Variants in ATP2A2 observed in about 807,000 individuals in gnomAD.
ATP2A2 encodes the protein ATPase sarcoplasmic/endoplasmic reticulum Ca2+ transporting 2, also known as sarcoplasmic/endoplasmic reticulum calcium ATPase 2.
In ATP2A2, 14 loss-of-function variants were observed where a neutral mutation model predicts 109.3. That is an observed-to-expected ratio of 0.13 (90% confidence interval 0.08 to 0.20). ATP2A2 has a LOEUF of 0.20. ATP2A2 is among the 10% of genes least tolerant of loss of function. ATP2A2 has a pLI of 1.00. For missense variants in ATP2A2, 657 were observed against 1,321.6 expected (o/e 0.50, Z 7.80); for synonymous variants, 506 against 490.9 (o/e 1.03, Z -0.41).
At chr12:110,285,245 CA>C in intron 3 of ATP2A2, among the ~76,000 whole-genome samples, 1 of 152,156 alleles carries the variant, frequency 6.6e-6, no homozygotes, top group South Asian at 2.1e-4. Flanking sequence ...TAATATTGGC[CA>C]AAGTGTTTTT....
chr12:110,314,014 C>T lies in ATP2A2; in HGVS notation c.464-8978C>T, dbSNP rs12372132. Among the ~76,000 whole-genome samples, 399 of 151,586 alleles carry T rather than the reference C, an allele frequency of 2.6e-3. 1 individual carries two copies. Among genetic ancestry groups the T allele is most frequent in the Non-Finnish European group, 4.4e-3 (297 of 67,854 alleles). On this transcript the variant is annotated intron_variant, in intron 5 of 19. Transcript: ENST00000539276. Reference sequence around the variant, plus strand: ...ACAGGCATGAGCCACTGTGCCCGGCCGATAATGGAACTTTTGAAAACCAAG... The same window carrying T: ...ACAGGCATGAGCCACTGTGCCCGGCTGATAATGGAACTTTTGAAAACCAAG...
intron 9 of ATP2A2, 125 bp from the exon 10 acceptor site, chr12:110,333,054 AAT>A (rs1180537659): frequency 1.2e-6 from 1 of 862,968 alleles, no homozygotes; most frequent in Non-Finnish European, 1.9e-6. Context: ...AATTGTTTGG[AAT>A]TTTTTCCAGT....
chr12:110,310,336 G>A (rs1432013072), intron 5 of ATP2A2, among the ~76,000 whole-genome samples: 1 of 151,834 alleles, frequency 6.6e-6, no homozygotes, highest in Non-Finnish European at 1.5e-5. Flanking sequence ...GTATTACCCA[G>A]CCTAGTCTCA....
intron 6 of ATP2A2, among the ~76,000 whole-genome samples, chr12:110,325,436 C>T (rs995648923): frequency 4.6e-5 from 7 of 151,830 alleles, no homozygotes; most frequent in Non-Finnish European, 8.8e-5. Flanking sequence ...GAGTTTGAGA[C>T]CAGCCTTGGC....
rs1334372463 is a variant in ATP2A2, at chr12:110,327,838, G to A, written c.916G>A (p.Ala306Thr). 6.2e-7 allele frequency: 1 copy of A among 1,614,188 alleles called. No homozygotes were observed. The highest frequency in any genetic ancestry group is 1.1e-5 in the South Asian group (1 of 91,086). The change falls in exon 8 of 20, where the codon GCC becomes ACC. Residue 306 changes from alanine (A) to threonine (T), a missense_variant. This residue lies in a region of ATP2A2 where 136 missense variants were observed against 343.9 expected (regional missense o/e 0.40). Coordinates refer to ENST00000539276, the MANE Select transcript of ATP2A2 (RefSeq NM_170665.4). The surrounding 1 kb of genome is among the most constrained non-coding windows in gnomAD (Gnocchi z 4.4). ...FKIAVALAVA[A>T]IPEGLPAVIT... is the part of the protein sequence containing the mutation. ...AATTGCAGTGGCCCTGGCTGTAGCA[G>A]CCATTCCTGAAGGTCTGCCTGCAGT...
At chr12:110,281,124 G>A (rs896399905), upstream of ATP2A2, 1 of 149,784 alleles carries the variant, frequency 6.7e-6, no homozygotes, top group Non-Finnish European at 1.5e-5. Context: ...GCGCGCGGGA[G>A]GAGGGAGCCG....
chr12:110,333,905 GTTGTAATAGAGGACAGA>G lies in ATP2A2; in HGVS notation c.1288-102_1288-86del, dbSNP rs1878581086. 6 of 1,492,934 alleles carry G rather than the reference GTTGTAATAGAGGACAGA, an allele frequency of 4.0e-6. No individual in the cohort carries two copies. The South Asian group carries it at 6.9e-5, about 17-fold the overall frequency. The allele number at this position is 1,492,934 out of a possible 1,614,324, so 92.5% of individuals were successfully genotyped here. On this transcript the variant is annotated intron_variant, in intron 10 of 19. Transcript: ENST00000539276. Reference sequence around the variant, plus strand: ...AGGAGGATAAAAATGGCCTTACAGTGTTGTAATAGAGGACAGATTGTGCTTTTGTGGAAAAAAAATAT... The same window carrying G: ...AGGAGGATAAAAATGGCCTTACAGTGTTGTGCTTTTGTGGAAAAAAAATAT...
chr12:110,317,433 T>C (rs1367068026), intron 5 of ATP2A2, among the ~76,000 whole-genome samples: 18 of 152,020 alleles, frequency 1.2e-4, no homozygotes, highest in Admixed American at 1.1e-3. Context: ...TTTTTTGAGA[T>C]GGAGTCTCAC....
At chr12:110,311,248 G>A (rs1002291899) in intron 5 of ATP2A2, among the ~76,000 whole-genome samples, 3 of 152,148 alleles carry the variant, frequency 2.0e-5, no homozygotes, top group South Asian at 2.1e-4. Flanking sequence ...TGGTTGGTTC[G>A]TTTGTTTATA....
intron 4 of ATP2A2, chr12:110,296,069 T>G (rs1873929072): frequency 6.1e-6 from 1 of 164,694 alleles, no homozygotes; most frequent in Non-Finnish European, 1.3e-5. Flanking sequence ...GTATTGAACC[T>G]GGGCAGCTTA....
chr12:110,328,309 G>A (rs1022515362), intron 8 of ATP2A2, among the ~76,000 whole-genome samples: 5 of 150,458 alleles, frequency 3.3e-5, no homozygotes, highest in African/African-American at 1.2e-4. Flanking sequence ...AGTGGCTCAC[G>A]CCTGTAATCC....
chr12:110,290,311 A>C (rs1873127827), intron 3 of ATP2A2, among the ~76,000 whole-genome samples: 1 of 152,202 alleles, frequency 6.6e-6, no homozygotes, highest in Non-Finnish European at 1.5e-5. Context: ...CCGGGATTAT[A>C]GGCATGAGCC....
At chr12:110,344,359 A>T (rs751219910) in intron 16 of ATP2A2, among the ~76,000 whole-genome samples, 2 of 152,190 alleles carry the variant, frequency 1.3e-5, no homozygotes, top group Admixed American at 6.5e-5. Context: ...ACTGGGGGGA[A>T]TCCCAGAAGC....
At position 110,348,750 on chromosome 12, in the gene ATP2A2, G is replaced by C. The variant is rs117376088; in HGVS notation, c.*2280G>C. On this transcript the variant is annotated 3_prime_UTR_variant, in exon 20 of 20. Coordinates refer to ENST00000539276, the MANE Select transcript of ATP2A2 (RefSeq NM_170665.4). ...AAGCCTCCAAGGCTGCTCGCAGGCA[G>C]CTGTGGCTCTCGGGAAGGGAGGCTG... The C allele has an allele frequency of 3.0e-6, 3 of 985,392 alleles. No homozygotes were observed. The highest frequency in any genetic ancestry group is 2.4e-6 in the Non-Finnish European group (2 of 830,002). The allele number at this position is 985,392 out of a possible 1,614,324, so 61.0% of individuals were successfully genotyped here.
chr12:110,299,166 C>T (rs1396505920), intron 5 of ATP2A2, among the ~76,000 whole-genome samples: 1 of 152,060 alleles, frequency 6.6e-6, no homozygotes, highest in African/African-American at 2.4e-5. Context: ...AGAGATGGGT[C>T]TTGCCCTGTT....
chr12:110,315,801 C>T (rs950832239), intron 5 of ATP2A2, among the ~76,000 whole-genome samples: 7 of 152,170 alleles, frequency 4.6e-5, no homozygotes, highest in African/African-American at 1.7e-4. Context: ...CTTAGCCGGC[C>T]GCATCGGCAC....
chr12:110,299,271 C>T (rs1340460025), intron 5 of ATP2A2, among the ~76,000 whole-genome samples: 1 of 151,886 alleles, frequency 6.6e-6, no homozygotes, highest in African/African-American at 2.4e-5. Flanking sequence ...TGCGCCTGGC[C>T]CACATTTTTT....
At position 110,281,781 on chromosome 12, in the gene ATP2A2, C is replaced by T. The variant is rs1592782128; in HGVS notation, c.-9C>T. The T allele has an allele frequency of 6.7e-7, 1 of 1,495,380 alleles. No individual in the cohort carries two copies. The allele number at this position is 1,495,380 out of a possible 1,614,324, so 92.6% of individuals were successfully genotyped here. A position where few individuals can be genotyped will look rare whatever the true frequency, so the allele number is the denominator to read the frequency against. On this transcript the variant is annotated 5_prime_UTR_variant, in exon 1 of 20. Coordinates refer to ENST00000539276, the MANE Select transcript of ATP2A2 (RefSeq NM_170665.4). ...GACGGGAGGCGAGGCCGGCCGGGCCCCCGAAGCCATGGAGAACGCGCACAC... is the reference window on the plus strand; with the variant it reads ...GACGGGAGGCGAGGCCGGCCGGGCCTCCGAAGCCATGGAGAACGCGCACAC...
rs559006262 is a variant in ATP2A2, at chr12:110,295,412, C to T, written c.325-1187C>T. On this transcript the variant is annotated intron_variant, in intron 4 of 19. Coordinates refer to ENST00000539276, the MANE Select transcript of ATP2A2 (RefSeq NM_170665.4). ...CTCTTGGGCTCAAGCAGTCCTCTTA[C>T]CTCAGCCTCCCAAAAGTGCTGGGAT... 2.6e-5 allele frequency among the ~76,000 whole-genome samples: 4 copies of T among 152,230 alleles called. 1 individual carries two copies. The South Asian group carries it at 8.3e-4, about 32-fold the overall frequency.
Sources: allele counts gnomAD v4.1 joint callset (sites outside exome capture counted in the v4.1 genomes callset), GRCh38; gene constraint gnomAD v4.1.1; regional missense constraint gnomAD v4.1.1; non-coding constraint Gnocchi (gnomAD v3.1); transcripts MANE v1.5; gene names NCBI Gene and HGNC (gene_info 2026-07-23, HGNC 2026-07-21).